Variants in LRP5 observed in about 807,000 individuals in gnomAD.
LRP5 encodes low-density lipoprotein receptor-related protein 5.
In LRP5, 62 loss-of-function variants were observed where a neutral mutation model predicts 154.1. That is an observed-to-expected ratio of 0.40 (90% CI 0.33 to 0.50). The LOEUF (loss-of-function observed/expected upper bound fraction) is 0.50. Among genes scored for constraint, LRP5 ranks in the 20% least tolerant of loss-of-function variants. LRP5 has a pLI of 0.55. For missense variants in LRP5, 1,915 were observed against 2,336.7 expected (o/e 0.82, Z 3.72); for synonymous variants, 966 against 1,011.5 (o/e 0.96, Z 0.85).
At chr11:68,405,508 G>T (rs2098655125) in intron 8 of LRP5, among the ~76,000 whole-genome samples, 1 of 150,408 alleles carries the variant, frequency 6.6e-6, no homozygotes, top group Non-Finnish European at 1.5e-5. Context: ...TATCCACCAT[G>T]GAAGGTGAGA....
intron 7 of LRP5, among the ~76,000 whole-genome samples, chr11:68,399,803 C>T (rs1290745200): frequency 6.6e-6 from 1 of 152,200 alleles, no homozygotes; most frequent in Non-Finnish European, 1.5e-5. Context: ...TGGCTTTTGC[C>T]GATGGGTTGG....
At chr11:68,416,249 G>C (rs1000256860) in intron 12 of LRP5, 79 bp from the exon 13 acceptor site, 2 of 1,259,064 alleles carry the variant, frequency 1.6e-6, no homozygotes, top group African/African-American at 2.9e-5. Context: ...GCCTGTTGTC[G>C]AGTGGCGTGC....
chr11:68,311,324 C>A (rs2098587682), upstream of LRP5, among the ~76,000 whole-genome samples: 2 of 152,146 alleles, frequency 1.3e-5, no homozygotes, highest in Non-Finnish European at 2.9e-5. Context: ...CAGCTCATGG[C>A]CTGATGTGGT....
In LRP5 at chr11:68,413,310, GT is replaced by G; in HGVS notation, c.2504-375del. ...GCCTGGCCGTCACTCCTCGGTACGTGTTTTGGACTTAAACGCTCCGGATGTT... is the reference window on the plus strand; with the variant it reads ...GCCTGGCCGTCACTCCTCGGTACGTGTTTGGACTTAAACGCTCCGGATGTT... On this transcript the variant is annotated intron_variant, in intron 11 of 22. Transcript: ENST00000294304. The surrounding 1 kb of genome is among the most constrained non-coding windows in gnomAD (Gnocchi z 5.1). 2.6e-6 allele frequency: 1 copy of G among 390,238 alleles called. No homozygotes were observed. The highest frequency in any genetic ancestry group is 4.8e-6 in the Non-Finnish European group (1 of 208,008). The allele number at this position is 390,238 out of a possible 1,614,324, so 24.2% of individuals were successfully genotyped here. A position where few individuals can be genotyped will look rare whatever the true frequency, so the allele number is the denominator to read the frequency against.
intron 1 of LRP5, among the ~76,000 whole-genome samples, chr11:68,322,914 C>G (rs1477271111): frequency 6.6e-6 from 1 of 152,220 alleles, no homozygotes; most frequent in Non-Finnish European, 1.5e-5. Context: ...ACTGTGAAGT[C>G]CCGGGTCCAC....
chr11:68,367,994 G>A (rs1274909605), intron 5 of LRP5, among the ~76,000 whole-genome samples: 2 of 151,670 alleles, frequency 1.3e-5, no homozygotes, highest in Non-Finnish European at 2.9e-5. Flanking sequence ...GAGCCTAGGA[G>A]GCGGAGGTTG....
chr11:68,321,250 G>T (rs1271429721), intron 1 of LRP5, among the ~76,000 whole-genome samples: 1 of 152,034 alleles, frequency 6.6e-6, no homozygotes, highest in Non-Finnish European at 1.5e-5. Flanking sequence ...GCCTGTGAGT[G>T]TCTTTGTGTA....
At chr11:68,327,320 G>A (rs1298029899) in intron 1 of LRP5, among the ~76,000 whole-genome samples, 1 of 152,200 alleles carries the variant, frequency 6.6e-6, no homozygotes, top group Non-Finnish European at 1.5e-5. Flanking sequence ...ATTGTGCTGA[G>A]GTCCTGGGAG....
chr11:68,394,078 T>C (rs2098647854), intron 7 of LRP5, among the ~76,000 whole-genome samples: 2 of 152,198 alleles, frequency 1.3e-5, no homozygotes, highest in Admixed American at 6.5e-5. Flanking sequence ...CCTAGTGTTG[T>C]GGATGTAGCC....
intron 7 of LRP5, among the ~76,000 whole-genome samples, chr11:68,392,730 G>A (rs1455622930): frequency 2.6e-5 from 4 of 152,044 alleles, no homozygotes; most frequent in African/African-American, 7.3e-5. Context: ...TCTTCTGGAC[G>A]TTTTGTGTGA....
At chr11:68,301,223 C>T in the LRP5 span, among the ~76,000 whole-genome samples, 1 of 149,614 alleles carries the variant, frequency 6.7e-6, no homozygotes, top group African/African-American at 2.4e-5. Context: ...TGAGCCATCC[C>T]TGTCAGGGCC....
At chr11:68,375,703 G>A (rs1265360029) in intron 5 of LRP5, among the ~76,000 whole-genome samples, 1 of 152,230 alleles carries the variant, frequency 6.6e-6, no homozygotes. Flanking sequence ...TGAGAGCTGA[G>A]GTTCTTTGGT....
chr11:68,352,273 G>T (rs963497074), intron 2 of LRP5, among the ~76,000 whole-genome samples: 1 of 152,166 alleles, frequency 6.6e-6, no homozygotes, highest in Non-Finnish European at 1.5e-5. Flanking sequence ...CTGCATGTAG[G>T]TTCGATAAAA....
chr11:68,306,855 A>C, the LRP5 span, among the ~76,000 whole-genome samples: 1 of 152,246 alleles, frequency 6.6e-6, no homozygotes, highest in African/African-American at 2.4e-5. Context: ...AGCTGCAGAA[A>C]CGGATGGACG....
At chr11:68,440,026 CT>C in intron 21 of LRP5, 110 bp downstream of exon 21, 1 of 927,574 alleles carries the variant, frequency 1.1e-6, no homozygotes, top group Non-Finnish European at 1.6e-6. Flanking sequence ...GTGCCACCGC[CT>C]CTGAGGCATG....
the LRP5 span, among the ~76,000 whole-genome samples, chr11:68,306,174 C>G: frequency 1.3e-5 from 2 of 152,172 alleles, no homozygotes; most frequent in African/African-American, 4.8e-5. Context: ...TCACTTTTCT[C>G]CCTCAGGCTG....
At chr11:68,378,517 ACCCACCT>A (rs67077767) in intron 5 of LRP5, among the ~76,000 whole-genome samples, 147,641 of 151,840 alleles carry the variant, frequency 0.97, 71,843 homozygotes, top group East Asian at 1. Flanking sequence ...CGGCATCCTG[ACCCACCT>A]CCCACCTCCC....
At chr11:68,443,577 ATATATATAT>A (rs1322136820) in intron 21 of LRP5, among the ~76,000 whole-genome samples, 37 of 42,016 alleles carry the variant, frequency 8.8e-4, no homozygotes, top group Non-Finnish European at 1.2e-3. Flanking sequence ...ATATATATAT[ATATATATAT>A]TTTTTTTTTT....
At chr11:68,371,749 G>A (rs946196977) in intron 5 of LRP5, among the ~76,000 whole-genome samples, 1 of 152,266 alleles carries the variant, frequency 6.6e-6, no homozygotes, top group Middle Eastern at 3.2e-3. Context: ...TCTGTCGCTT[G>A]TTGCAGCTGA....
Sources: gnomAD v4.1 joint callset for allele counts (sites outside exome capture counted in the v4.1 genomes callset) on GRCh38, gnomAD v4.1.1 for gene constraint, Gnocchi (gnomAD v3.1) non-coding constraint, MANE v1.5 for transcripts, NCBI Gene and HGNC (gene_info 2026-07-23, HGNC 2026-07-21) for gene names.